The following PLVAP variants were observed in gnomAD, a reference collection of about 807,000 sequenced individuals.
PLVAP encodes the protein plasmalemma vesicle-associated protein.
In PLVAP, 34 loss-of-function variants were observed where a neutral mutation model predicts 43.1. The observed-to-expected ratio is 0.79, with a 90% CI of 0.60 to 1.05. The LOEUF (loss-of-function observed/expected upper bound fraction) is 1.05, where lower values mean the gene tolerates loss of function less well. PLVAP is among the 50% of genes least tolerant of loss of function. The pLI, the probability that PLVAP is intolerant of heterozygous loss-of-function variation, is 0.00. For synonymous variants in PLVAP, 241 were observed against 237.3 expected (o/e 1.02, Z -0.14); for missense variants, 574 against 593.4 (o/e 0.97, Z 0.34).
intron 1 of PLVAP, among the ~76,000 whole-genome samples, chr19:17,375,878 C>T (rs2074592947): frequency 1.3e-5 from 1 of 74,812 alleles, no homozygotes; most frequent in Non-Finnish European, 2.6e-5. Context: ...GAGACTCCGT[C>T]TCAAAAAAAA....
chr19:17,372,086 A>AC (rs1230664358), intron 1 of PLVAP, among the ~76,000 whole-genome samples: 1 of 151,280 alleles, frequency 6.6e-6, no homozygotes, highest in Non-Finnish European at 1.5e-5. Flanking sequence ...GTCTCTAAAA[A>AC]AAAAAAAAAA....
chr19:17,370,001 TAA>T lies in PLVAP; in HGVS notation c.370-3808_370-3807del, dbSNP rs763532839. Among the ~76,000 whole-genome samples the T allele has an allele frequency of 8.4e-4, 75 of 88,762 alleles. 1 individual carries two copies. Among genetic ancestry groups the T allele is most frequent in the African/African-American group, 2.7e-3 (63 of 23,502 alleles). 58.2% of individuals were successfully genotyped at this position (88,762 alleles called of 152,430 possible). ...CTGGGTGACAGAGCGAGAGTCTGTCTAAAAAAAAAAAAAAAAAAAAAAAAAGA... is the reference window on the plus strand; with the variant it reads ...CTGGGTGACAGAGCGAGAGTCTGTCTAAAAAAAAAAAAAAAAAAAAAAAGA... On this transcript the variant is annotated intron_variant, in intron 1 of 5. Coordinates refer to ENST00000252590, the MANE Select transcript of PLVAP (RefSeq NM_031310.3).
chr19:17,373,277 G>A (rs1446577170), intron 1 of PLVAP, among the ~76,000 whole-genome samples: 3 of 151,806 alleles, frequency 2.0e-5, no homozygotes, highest in Non-Finnish European at 4.4e-5. Flanking sequence ...ACCATACTCT[G>A]GGCATCTGGG....
chr19:17,360,018 G>A (rs2074521876), intron 5 of PLVAP, among the ~76,000 whole-genome samples: 1 of 152,004 alleles, frequency 6.6e-6, no homozygotes, highest in Admixed American at 6.6e-5. Flanking sequence ...CTTTCCCTGA[G>A]GCCAGCTCCT....
At chr19:17,359,712 T>TTTTTATTA in intron 5 of PLVAP, among the ~76,000 whole-genome samples, 1 of 134,222 alleles carries the variant, frequency 7.5e-6, no homozygotes. Flanking sequence ...TTTTTTTTTC[T>TTTTTATTA]GACACAGTCT....
chr19:17,361,329 C>T (rs749043966), intron 3 of PLVAP, among the ~76,000 whole-genome samples: 3 of 152,162 alleles, frequency 2.0e-5, no homozygotes, highest in Non-Finnish European at 4.4e-5. Context: ...ATCACCTGCA[C>T]GCACCACAAG....
chr19:17,353,953 AT>A (rs1198340749), intron 5 of PLVAP, among the ~76,000 whole-genome samples: 1 of 152,132 alleles, frequency 6.6e-6, no homozygotes, highest in Non-Finnish European at 1.5e-5. Flanking sequence ...CTTGAACAAC[AT>A]TAACCACGTG....
At chr19:17,353,641 ACCT>A (rs1448977655) in intron 5 of PLVAP, among the ~76,000 whole-genome samples, 2 of 149,584 alleles carry the variant, frequency 1.3e-5, no homozygotes, top group Non-Finnish European at 3.0e-5. Context: ...CTCCTCCCTC[ACCT>A]CCTCTGGGTC....
chr19:17,365,681 C>A lies in PLVAP; in HGVS notation c.784G>T (p.Gly262Cys). Reference protein sequence around the residue: ...NLGYNLYHPLGSELASIRRAC... With the variant: ...NLGYNLYHPLCSELASIRRAC... ...CTGCGGATGGAGGCCAATTCCGAGC[C>A]CAGGGGATGGTAGAGGTTGTAACCC... The change falls in exon 3 of 6, where the codon GGC (glycine) becomes TGC (cysteine). Residue 262 changes from glycine to cysteine, a missense_variant. Physicochemically the swap from Gly to Cys is radical, Grantham distance 159 (BLOSUM62 -3). Transcript: ENST00000252590. The A allele has an allele frequency of 6.2e-7, 1 of 1,613,734 alleles. No individual in the cohort carries two copies. The highest frequency in any genetic ancestry group is 8.5e-7 in the Non-Finnish European group (1 of 1,179,986).
At chr19:17,359,892 C>T (rs577164431) in intron 5 of PLVAP, among the ~76,000 whole-genome samples, 3 of 152,238 alleles carry the variant, frequency 2.0e-5, no homozygotes, top group South Asian at 4.1e-4. Flanking sequence ...GGTCAGGATT[C>T]ATTCCTGGAT....
chr19:17,352,271 G>A lies in PLVAP; in HGVS notation c.*91C>T, dbSNP rs2074489138. 27 of 1,546,088 alleles carry A rather than the reference G, an allele frequency of 1.7e-5. No homozygotes were observed. The highest frequency in any genetic ancestry group is 2.4e-5 in the Non-Finnish European group (27 of 1,123,952). ...CCCTGGGTGGTTGGGGGCGGCGGGA[G>A]GGGGTTGTGTCGGGCGCTGTGAGCA... On this transcript the variant is annotated 3_prime_UTR_variant, in exon 6 of 6. Transcript: ENST00000252590.
intron 1 of PLVAP, among the ~76,000 whole-genome samples, chr19:17,367,635 T>C (rs34521468): frequency 0.49 from 74,324 of 151,882 alleles, 18,357 homozygotes; most frequent in African/African-American, 0.57. Context: ...GTGATCCGCC[T>C]ATCTCGGCCT....
intron 5 of PLVAP, among the ~76,000 whole-genome samples, chr19:17,357,350 G>A (rs1012224690): frequency 6.6e-6 from 1 of 151,852 alleles, no homozygotes; most frequent in Non-Finnish European, 1.5e-5. Context: ...GCATGAGGTG[G>A]GTGATTTAAT....
At chr19:17,356,980 A>C (rs1290814952) in intron 5 of PLVAP, among the ~76,000 whole-genome samples, 3 of 151,508 alleles carry the variant, frequency 2.0e-5, no homozygotes, top group African/African-American at 7.3e-5. Context: ...AAACAAAAGA[A>C]GAAGAAGTAA....
intron 1 of PLVAP, among the ~76,000 whole-genome samples, chr19:17,369,187 TTTG>T (rs922126720): frequency 1.3e-5 from 2 of 151,388 alleles, no homozygotes; most frequent in African/African-American, 4.8e-5. Flanking sequence ...TGTTTTTTTT[TTTG>T]TTGTTGTTTT....
intron 5 of PLVAP, among the ~76,000 whole-genome samples, chr19:17,359,563 G>A (rs1181666051): frequency 2.7e-5 from 4 of 150,868 alleles, no homozygotes; most frequent in South Asian, 4.2e-4. Context: ...ATACCACCAC[G>A]CCCAGCTACT....
rs781492569 is a variant in PLVAP at position 17,377,057 on chromosome 19, T to A, written c.232A>T (p.Thr78Ser). 1 of 1,613,992 alleles carries A rather than the reference T, an allele frequency of 6.2e-7. No homozygotes were observed. The highest frequency in any genetic ancestry group is 1.3e-5 in the African/African-American group (1 of 74,906). The stretch of plus-strand genomic sequence containing the variant: ...TTGGTCAAGTTGGACTGGGAGGCCG[T>A]GAGCCCTAGGAGCTGACTGTATAGG... The part of the protein sequence containing the change: ...EGLYSQLLGL[T>S]ASQSNLTKEL... The change falls in exon 1 of 6, where the codon ACG (threonine) becomes TCG (serine). Residue 78 changes from threonine (T) to serine (S), a missense_variant. Physicochemically the swap from Thr to Ser is moderately conservative, Grantham distance 58. Coordinates refer to ENST00000252590, the MANE Select transcript of PLVAP (RefSeq NM_031310.3).
intron 1 of PLVAP, among the ~76,000 whole-genome samples, chr19:17,374,419 TG>T (rs1351600610): frequency 6.6e-6 from 1 of 151,486 alleles, no homozygotes; most frequent in Non-Finnish European, 1.5e-5. Flanking sequence ...GAGCCGAGAC[TG>T]CGCCACTGCA....
In PLVAP at chr19:17,360,819, A is replaced by G. The variant is rs1001711339; in HGVS notation, c.1193T>C (p.Met398Thr). ...TCIKTKSQPM[M>T]PVSRPMGPVP... is the part of the protein sequence containing the mutation. The stretch of plus-strand genomic sequence containing the variant: ...AGGGCCCATGGGCCTTGACACTGGC[A>G]TCATCGGCTGCGACTGTGAAAGAAA... The change falls in exon 4 of 6, where the codon ATG (methionine) becomes ACG (threonine). Residue 398 changes from methionine to threonine, a missense_variant. Coordinates refer to ENST00000252590, the MANE Select transcript of PLVAP (RefSeq NM_031310.3). The G allele has an allele frequency of 3.7e-6, 6 of 1,613,726 alleles. No homozygotes were observed. The African/African-American group carries it at 5.3e-5, about 14-fold the overall frequency.
Sources: gnomAD v4.1 joint callset for allele counts (sites outside exome capture counted in the v4.1 genomes callset) on GRCh38, gnomAD v4.1.1 for gene constraint, MANE v1.5 for transcripts, NCBI Gene and HGNC (gene_info 2026-07-23, HGNC 2026-07-21) for gene names.